The following TBC1D12 variants were observed in gnomAD, a reference collection of about 807,000 sequenced individuals.
The protein encoded by TBC1D12 is TBC1 domain family member 12, also known as TBC1 domain family, member 12.
Under a neutral mutation model 86.7 loss-of-function variants are expected in TBC1D12, and 56 were observed. The observed-to-expected ratio is 0.65, with a 90% CI of 0.52 to 0.81. The LOEUF is 0.81. Ranked by LOEUF, TBC1D12 falls within the 30% of genes least tolerant of loss-of-function variation. TBC1D12 has a pLI of 0.00. For synonymous variants in TBC1D12, 421 were observed against 411.7 expected, an observed-to-expected ratio of 1.02 and a Z score of -0.27; for missense variants, 1,023 against 1,038.8, an observed-to-expected ratio of 0.98 and a Z score of 0.21.
At chr10:94,524,937 C>T (rs1355768491) in intron 11 of TBC1D12, among the ~76,000 whole-genome samples, 1 of 152,006 alleles carries the variant, frequency 6.6e-6, no homozygotes, top group East Asian at 1.9e-4. Context: ...GCATTCCTCC[C>T]ACCTCAGCCT....
Position 94,497,140 on chromosome 10 carries a change from G to A in TBC1D12, c.1380G>A (p.Trp460Ter). The A allele has an allele frequency of 1.3e-6, 2 of 1,558,316 alleles. No individual in the cohort carries two copies. Among genetic ancestry groups the A allele is most frequent in the East Asian group, 2.5e-5 (1 of 40,238 alleles). Residue 460 changes from tryptophan to a stop codon, truncating the protein, a stop_gained, in exon 5 of 13, where the codon TGG (tryptophan) becomes TGA (stop). Coordinates refer to ENST00000225235, the MANE Select transcript of TBC1D12 (RefSeq NM_015188.2). LOFTEE classifies it high-confidence loss of function. ...EENIASAMVI[W>*]INEILPNWEV... ...ATATTGCAAGTGCAATGGTAATTTG[G>A]ATCAATGAAATACTGCCCAATTGGG...
chr10:94,498,247 G>A (rs1321450924), intron 5 of TBC1D12, among the ~76,000 whole-genome samples: 1 of 152,110 alleles, frequency 6.6e-6, no homozygotes, highest in Non-Finnish European at 1.5e-5. Context: ...TTGTTAAAAT[G>A]ATTTTTAAAG....
At chr10:94,523,942 C>T (rs1842219756) in intron 11 of TBC1D12, among the ~76,000 whole-genome samples, 1 of 152,108 alleles carries the variant, frequency 6.6e-6, no homozygotes, top group African/African-American at 2.4e-5. Flanking sequence ...GTCCTCCAGC[C>T]TGGGTGACAG....
chr10:94,409,083 C>T (rs2054893971), intron 1 of TBC1D12, among the ~76,000 whole-genome samples: 1 of 152,216 alleles, frequency 6.6e-6, no homozygotes, highest in South Asian at 2.1e-4. Flanking sequence ...GCTCAAGAGC[C>T]TTTTATATCT....
intron 11 of TBC1D12, 52 bp from the exon 12 acceptor site, chr10:94,531,150 A>G (rs1842408564): frequency 6.4e-7 from 1 of 1,572,662 alleles, no homozygotes; most frequent in Admixed American, 1.8e-5. Flanking sequence ...TTACTGAGTA[A>G]ATGAGTCAAT....
intron 1 of TBC1D12, among the ~76,000 whole-genome samples, chr10:94,410,488 A>T (rs1369910450): frequency 6.6e-6 from 1 of 152,014 alleles, no homozygotes. Flanking sequence ...TGATCTGCTC[A>T]CCTCTGCCTC....
At chr10:94,414,080 A>G (rs2134053302) in intron 1 of TBC1D12, among the ~76,000 whole-genome samples, 1 of 152,322 alleles carries the variant, frequency 6.6e-6, no homozygotes, top group South Asian at 2.1e-4. Flanking sequence ...TTAGAAAAAC[A>G]TAAAATGTTC....
rs571483868 is a variant in TBC1D12 at position 94,510,210 on chromosome 10, T to TA, written c.1689+39dup. On this transcript the variant is annotated intron_variant, in intron 8 of 12. Transcript: ENST00000225235. Reference sequence around the variant, plus strand: ...GGTTTCTAACCAGCTTGTAATTACTTAAAAAAAATCTATCAATATCCAAGG... The same window carrying TA: ...GGTTTCTAACCAGCTTGTAATTACTTAAAAAAAAATCTATCAATATCCAAGG... 734 of 1,471,160 alleles carry TA rather than the reference T, an allele frequency of 5.0e-4. 2 individuals are homozygous for TA. Among genetic ancestry groups the TA allele is most frequent in the South Asian group, 8.0e-4 (60 of 75,454 alleles). The allele number at this position is 1,471,160 out of a possible 1,614,324, so 91.1% of individuals were successfully genotyped here. A position where few individuals can be genotyped will look rare whatever the true frequency, so the allele number is the denominator to read the frequency against.
chr10:94,417,371 T>C (rs781426340), intron 1 of TBC1D12, among the ~76,000 whole-genome samples: 2 of 152,220 alleles, frequency 1.3e-5, no homozygotes, highest in Non-Finnish European at 2.9e-5. Context: ...AGTAGCCTTT[T>C]TGTGAAGCTT....
intron 1 of TBC1D12, among the ~76,000 whole-genome samples, chr10:94,407,087 AAG>A (rs1403941892): frequency 5.3e-5 from 8 of 152,238 alleles, no homozygotes; most frequent in African/African-American, 9.6e-5. Flanking sequence ...TACTTAAGTA[AAG>A]AGGGGGGAGC....
At chr10:94,487,119 T>C (rs916864033) in intron 3 of TBC1D12, among the ~76,000 whole-genome samples, 4 of 152,162 alleles carry the variant, frequency 2.6e-5, no homozygotes, top group South Asian at 2.1e-4. Context: ...GACATAAATA[T>C]AGCGACTCTT....
chr10:94,459,091 TACAGAGAGCTGATTGGTCCATTTTAC>T (rs1339691235), intron 2 of TBC1D12, among the ~76,000 whole-genome samples: 2 of 151,466 alleles, frequency 1.3e-5, no homozygotes, highest in African/African-American at 4.9e-5. Flanking sequence ...TGGTCCATTT[TACAGAGAGCTGATTGGTCCATTTTAC>T]AGAGAGCTGA....
intron 2 of TBC1D12, among the ~76,000 whole-genome samples, chr10:94,465,886 A>ACG (rs1564960699): frequency 3.3e-5 from 5 of 151,196 alleles, no homozygotes; most frequent in African/African-American, 1.2e-4. Context: ...ACATGTATGT[A>ACG]TATACATACA....
rs1284044001 is a variant in TBC1D12, at chr10:94,403,506, T to C, written c.893T>C (p.Leu298Ser). The C allele has an allele frequency of 6.4e-7, 1 of 1,556,300 alleles. No individual in the cohort carries two copies. The highest frequency in any genetic ancestry group is 1.9e-5 in the Admixed American group (1 of 52,608). The change falls in exon 1 of 13, where the codon TTG (leucine) becomes TCG (serine). Residue 298 changes from leucine to serine, a missense_variant. Around this residue, in one of 2 missense-constraint regions of TBC1D12, gnomAD observed 628 missense variants for 531.1 expected, o/e 1.18. Transcript: ENST00000225235. ...CCCCCGGCGGGGCCGCCGGTGCCCT[T>C]GCCCGCCGCGGAGCAGGGTCCTGCG... The part of the protein sequence containing the change: ...HLPPAGPPVP[L>S]PAAEQGPAGA...
intron 1 of TBC1D12, among the ~76,000 whole-genome samples, chr10:94,433,281 G>A (rs1163359738): frequency 1.3e-5 from 2 of 152,000 alleles, no homozygotes; most frequent in Non-Finnish European, 2.9e-5. Context: ...ACCACACCAG[G>A]CTAATTTTTG....
At position 94,487,258 on chromosome 10, in the gene TBC1D12, T is replaced by TTA. The variant is rs1554944667; in HGVS notation, c.1212-6107_1212-6106insTA. Among the ~76,000 whole-genome samples, 123 of 150,520 alleles carry TTA rather than the reference T, an allele frequency of 8.2e-4. 4 individuals carry two copies. In the East Asian group the frequency reaches 0.021, roughly 26 times the overall value. Reference sequence around the variant, plus strand: ...TCATTGGGTCTTTTTTTTTTTTTTTTAAATCTATTCAGTTACTGTATCTTT... The same window carrying TTA: ...TCATTGGGTCTTTTTTTTTTTTTTTTTAAAATCTATTCAGTTACTGTATCTTT... On this transcript the variant is annotated intron_variant, in intron 3 of 12. Coordinates refer to ENST00000225235, the MANE Select transcript of TBC1D12 (RefSeq NM_015188.2).
chr10:94,475,686 T>C (rs2055978502), intron 3 of TBC1D12, among the ~76,000 whole-genome samples: 1 of 152,202 alleles, frequency 6.6e-6, no homozygotes, highest in Non-Finnish European at 1.5e-5. Context: ...TCCACCCATC[T>C]CAGCCTCCCA....
intron 2 of TBC1D12, among the ~76,000 whole-genome samples, chr10:94,456,846 C>T (rs1237013047): frequency 6.6e-6 from 1 of 152,188 alleles, no homozygotes; most frequent in Non-Finnish European, 1.5e-5. Flanking sequence ...CTTGACCACT[C>T]TGTTTTTAGT....
At chr10:94,465,124 A>G (rs1156890985) in intron 2 of TBC1D12, among the ~76,000 whole-genome samples, 1 of 152,242 alleles carries the variant, frequency 6.6e-6, no homozygotes, top group Non-Finnish European at 1.5e-5. Context: ...GGAATCTGAA[A>G]CCATATAATT....
Sources: gnomAD v4.1 joint callset for allele counts (sites outside exome capture counted in the v4.1 genomes callset) on GRCh38, gnomAD v4.1.1 for gene constraint, gnomAD v4.1.1 regional missense constraint, MANE v1.5 for transcripts, NCBI Gene and HGNC (gene_info 2026-07-23, HGNC 2026-07-21) for gene names.